SDC4: variants seen among roughly 807,000 people sequenced by gnomAD.
SDC4 encodes the protein syndecan 4, also known as syndecan-4.
A neutral mutation model predicts 20.5 loss-of-function variants in SDC4; 17 were observed. That is an observed-to-expected ratio of 0.83 (90% CI 0.57 to 1.25). SDC4 has a LOEUF of 1.25. Ranked by LOEUF, SDC4 falls within the 50% of genes most tolerant of loss-of-function variation. SDC4 has a pLI of 0.00. For synonymous variants in SDC4, 107 were observed against 105.3 expected, an observed-to-expected ratio of 1.02 and a Z score of -0.10; for missense variants, 241 against 252.3, an observed-to-expected ratio of 0.96 and a Z score of 0.30.
At chr20:45,337,755 C>A (rs1441370661) in intron 1 of SDC4, among the ~76,000 whole-genome samples, 2 of 152,250 alleles carry the variant, frequency 1.3e-5, no homozygotes, top group African/African-American at 4.8e-5. Context: ...CCCTCTTCCA[C>A]CCCCACAGAG....
At chr20:45,336,413 C>CA (rs938269354) in intron 1 of SDC4, among the ~76,000 whole-genome samples, 4 of 151,618 alleles carry the variant, frequency 2.6e-5, no homozygotes, top group Non-Finnish European at 4.4e-5. Flanking sequence ...ACCCCCGTCT[C>CA]AAAAAAAATA....
intron 1 of SDC4, among the ~76,000 whole-genome samples, chr20:45,346,125 C>A (rs1049474279): frequency 2.0e-5 from 3 of 152,228 alleles, no homozygotes; most frequent in Non-Finnish European, 4.4e-5. Context: ...TCACTCCTAA[C>A]TGCTATTAGC....
rs1276594796 is a variant in SDC4 at position 45,326,686 on chromosome 20, A to G, written c.*578T>C. 6.6e-6 allele frequency: 1 copy of G among 152,652 alleles called. No homozygotes were observed. The highest frequency in any genetic ancestry group is 1.5e-5 in the Non-Finnish European group (1 of 68,068). 9.5% of individuals were successfully genotyped at this position (152,652 alleles called of 1,614,324 possible). ...GCTCTTTTCCCCATCCTCCCCCCCAAATAAAAAAGGTTGATTTCCAAAAGT... is the reference window on the plus strand; with the variant it reads ...GCTCTTTTCCCCATCCTCCCCCCCAGATAAAAAAGGTTGATTTCCAAAAGT... On this transcript the variant is annotated 3_prime_UTR_variant, in exon 5 of 5. Transcript: ENST00000372733.
intron 1 of SDC4, among the ~76,000 whole-genome samples, chr20:45,343,208 T>C (rs1987979952): frequency 6.6e-6 from 1 of 152,198 alleles, no homozygotes; most frequent in Non-Finnish European, 1.5e-5. Context: ...CTTATTCTTC[T>C]AAGGTTAAAT....
chr20:45,336,240 C>T (rs1987865221), intron 1 of SDC4, among the ~76,000 whole-genome samples: 1 of 152,142 alleles, frequency 6.6e-6, no homozygotes, highest in African/African-American at 2.4e-5. Flanking sequence ...TGGTGAAACC[C>T]CGTCTCTACT....
intron 2 of SDC4, 106 bp from the exon 3 acceptor site, chr20:45,333,175 T>C: frequency 1.9e-6 from 2 of 1,055,416 alleles, no homozygotes; most frequent in Non-Finnish European, 2.9e-6. Context: ...TTCCAAATGC[T>C]CAATGTCCAG....
chr20:45,341,757 GC>G (rs1179096357), intron 1 of SDC4, among the ~76,000 whole-genome samples: 2 of 152,096 alleles, frequency 1.3e-5, no homozygotes, highest in Admixed American at 1.3e-4. Context: ...TTTTCACCAA[GC>G]CTCAGGGCAG....
Position 45,327,230 on chromosome 20 carries a change from C to T in SDC4, c.*34G>A, listed in dbSNP as rs17336469. The T allele has an allele frequency of 8.7e-6, 14 of 1,611,858 alleles. No homozygotes were observed. The highest frequency in any genetic ancestry group is 4.5e-5 in the East Asian group (2 of 44,802). ...TTCAAAATCCCCTGGCTTCCCTCCCCGCTAAAGTCCAAGCCAGTGCCCACA... is the reference window on the plus strand; with the variant it reads ...TTCAAAATCCCCTGGCTTCCCTCCCTGCTAAAGTCCAAGCCAGTGCCCACA... On this transcript the variant is annotated 3_prime_UTR_variant, in exon 5 of 5. Transcript: ENST00000372733.
chr20:45,330,379 C>A lies in SDC4; in HGVS notation c.432G>T (p.Thr144=), dbSNP rs377410926. The change falls in exon 4 of 5, where the codon ACG becomes ACT. Residue 144 remains threonine (T), a synonymous_variant. Transcript: ENST00000372733. ...ATGGGGACTTACCTGCCAGGACCTCCGTTCTCTCAAAGATGTTGCTGCCCT... is the reference window on the plus strand; with the variant it reads ...ATGGGGACTTACCTGCCAGGACCTCAGTTCTCTCAAAGATGTTGCTGCCCT... The part of the protein sequence containing the change: ...TVQGSNIFER[T]EVLAALIVGG... The A allele has an allele frequency of 1.7e-5, 27 of 1,613,974 alleles. No individual in the cohort carries two copies. Among genetic ancestry groups the A allele is most frequent in the Non-Finnish European group, 2.2e-5 (26 of 1,180,034 alleles).
intron 1 of SDC4, among the ~76,000 whole-genome samples, chr20:45,342,498 C>G (rs1987968138): frequency 1.3e-5 from 2 of 152,232 alleles, no homozygotes; most frequent in African/African-American, 4.8e-5. Flanking sequence ...TCCCTGCCTC[C>G]CCTTTCCATT....
chr20:45,345,136 A>C (rs1296083282), intron 1 of SDC4: 1 of 152,244 alleles, frequency 6.6e-6, no homozygotes, highest in Admixed American at 6.5e-5. Context: ...GCACGAATTT[A>C]TTCATTCATA....
In SDC4 at chr20:45,330,405, G is replaced by T; in HGVS notation, c.406C>A (p.Gln136Lys). The T allele has an allele frequency of 1.2e-6, 2 of 1,614,178 alleles. No individual in the cohort carries two copies. The highest frequency in any genetic ancestry group is 1.7e-6 in the Non-Finnish European group (2 of 1,180,034). The change falls in exon 4 of 5, where the codon CAG (glutamine) becomes AAG (lysine). Residue 136 changes from glutamine (Q) to lysine (K), a missense_variant. Transcript: ENST00000372733. ...SNKVSMSSTV[Q>K]GSNIFERTEV... ...GTTCTCTCAAAGATGTTGCTGCCCT[G>T]CACAGTGCTGGACATTGACACCTTG...
rs1299598455 is a variant in SDC4, at chr20:45,327,396, G to A, written c.465C>T (p.Ile155=). The stretch of plus-strand genomic sequence containing the variant: ...GGAAGACGGCAAAGAGGATGCCCAC[G>A]ATGCCACCCACAATCAGAGCTGGAG... ...EVLAALIVGG[I]VGILFAVFLI... Residue 155 remains isoleucine, a synonymous_variant, in exon 5 of 5, where the codon ATC becomes ATT. Transcript: ENST00000372733. 13 of 1,613,870 alleles carry A rather than the reference G, an allele frequency of 8.1e-6. No individual in the cohort carries two copies. The highest frequency in any genetic ancestry group is 5.3e-5 in the African/African-American group (4 of 74,900).
At chr20:45,341,542 C>A (rs558509399) in intron 1 of SDC4, among the ~76,000 whole-genome samples, 23 of 152,178 alleles carry the variant, frequency 1.5e-4, no homozygotes, top group African/African-American at 4.8e-4. Context: ...GACCTGGGTC[C>A]CCAGGGACAA....
At chr20:45,348,239 C>T in intron 1 of SDC4, 86 bp downstream of exon 1, 4 of 1,167,464 alleles carry the variant, frequency 3.4e-6, no homozygotes, top group Non-Finnish European at 3.7e-6. Flanking sequence ...CGATCTGCCC[C>T]CCCCCATCCC....
intron 1 of SDC4, chr20:45,345,083 A>G (rs1490526250): frequency 6.6e-6 from 1 of 152,228 alleles, no homozygotes; most frequent in East Asian, 1.9e-4. Context: ...TACTCATACT[A>G]GCAATAAATA....
Position 45,326,637 on chromosome 20 carries a change from A to T in SDC4, c.*627T>A, listed in dbSNP as rs1430816278. On this transcript the variant is annotated 3_prime_UTR_variant, in exon 5 of 5. Transcript: ENST00000372733. ...AAAATAGATTTACAAATATTCTATAAATCCATTTCAGCATAAACTCTCAGC... is the reference window on the plus strand; with the variant it reads ...AAAATAGATTTACAAATATTCTATATATCCATTTCAGCATAAACTCTCAGC... 1 of 152,666 alleles carries T rather than the reference A, an allele frequency of 6.6e-6. No individual in the cohort carries two copies. Among genetic ancestry groups the T allele is most frequent in the Non-Finnish European group, 1.5e-5 (1 of 68,056 alleles). The allele number at this position is 152,666 out of a possible 1,614,324, so 9.5% of individuals were successfully genotyped here. A position where few individuals can be genotyped will look rare whatever the true frequency, so the allele number is the denominator to read the frequency against.
intron 2 of SDC4, among the ~76,000 whole-genome samples, chr20:45,334,778 T>C (rs1344678039): frequency 6.6e-6 from 1 of 152,128 alleles, no homozygotes; most frequent in East Asian, 1.9e-4. Context: ...TGAGCCACCG[T>C]GCCCGGCCAT....
intron 3 of SDC4, 108 bp downstream of exon 3, chr20:45,332,915 G>T: frequency 9.3e-7 from 1 of 1,073,546 alleles, no homozygotes; most frequent in Non-Finnish European, 1.4e-6. Flanking sequence ...GCATAGTGGG[G>T]TAAGACCCCT....
Sources: allele counts gnomAD v4.1 joint callset (sites outside exome capture counted in the v4.1 genomes callset), GRCh38; gene constraint gnomAD v4.1.1; transcripts MANE v1.5; gene names NCBI Gene and HGNC (gene_info 2026-07-23, HGNC 2026-07-21).